SLC28A3: variants seen among roughly 807,000 people sequenced by gnomAD.
The protein encoded by SLC28A3 is solute carrier family 28 member 3.
A neutral mutation model predicts 84.2 loss-of-function variants in SLC28A3; 68 were observed. The observed-to-expected ratio is 0.81, with a 90% CI of 0.66 to 0.99. The LOEUF (loss-of-function observed/expected upper bound fraction) is 0.99. SLC28A3 is among the 50% of genes least tolerant of loss of function. SLC28A3 has a pLI of 0.00. For synonymous variants in SLC28A3, 267 were observed against 303.6 expected (o/e 0.88, Z 1.25); for missense variants, 712 against 841.5 (o/e 0.85, Z 1.90).
At chr9:84,313,901 A>C (rs1273368569) in intron 1 of SLC28A3, among the ~76,000 whole-genome samples, 6 of 140,904 alleles carry the variant, frequency 4.3e-5, no homozygotes, top group African/African-American at 1.9e-4. Flanking sequence ...AAGAAAGTAA[A>C]GAAAAGAAAC....
intron 3 of SLC28A3, among the ~76,000 whole-genome samples, chr9:84,306,687 T>C (rs1825801780): frequency 6.6e-6 from 1 of 151,952 alleles, no homozygotes; most frequent in Non-Finnish European, 1.5e-5. Context: ...AGAACAGATG[T>C]CTATGAGCCA....
At chr9:84,285,160 A>G (rs1283859418) in intron 14 of SLC28A3, among the ~76,000 whole-genome samples, 185 bp downstream of exon 14, 1 of 152,236 alleles carries the variant, frequency 6.6e-6, no homozygotes, top group East Asian at 1.9e-4. Context: ...CTCTAATTCA[A>G]CATAACTGAA....
Position 84,285,921 on chromosome 9 carries a change from CA to C in SLC28A3, c.1449+21del, listed in dbSNP as rs1564146681. On this transcript the variant is annotated intron_variant, in intron 13 of 17. Transcript: ENST00000376238. ...AGATAGGCAGAAACAAAACAGAGGGCAGGGGCGTGATGTGATTATACCTCAA... is the reference window on the plus strand; with the variant it reads ...AGATAGGCAGAAACAAAACAGAGGGCGGGGCGTGATGTGATTATACCTCAA... The C allele has an allele frequency of 4.4e-6, 7 of 1,601,882 alleles. No homozygotes were observed. In the South Asian group the frequency reaches 6.7e-5, roughly 15 times the overall value.
intron 1 of SLC28A3, among the ~76,000 whole-genome samples, chr9:84,329,186 A>G (rs746242768): frequency 8.5e-5 from 13 of 152,192 alleles, no homozygotes; most frequent in Non-Finnish European, 1.6e-4. Flanking sequence ...TATTGTTAAC[A>G]TATATGTATA....
chr9:84,332,819 T>C (rs1269836248), intron 1 of SLC28A3, among the ~76,000 whole-genome samples: 4 of 152,188 alleles, frequency 2.6e-5, no homozygotes, highest in Non-Finnish European at 4.4e-5. Flanking sequence ...AATGGGACCA[T>C]ATATAATTAA....
chr9:84,327,361 G>GA (rs11404370), intron 1 of SLC28A3, among the ~76,000 whole-genome samples: 17,744 of 127,500 alleles, frequency 0.14, 1,257 homozygotes, highest in South Asian at 0.23. Context: ...TCAGAACACC[G>GA]AAAAAAAAAA....
the SLC28A3 span, among the ~76,000 whole-genome samples, chr9:84,352,077 T>C: frequency 6.6e-6 from 1 of 152,226 alleles, no homozygotes; most frequent in African/African-American, 2.4e-5. Context: ...TGTAAACATA[T>C]ACATTTAGCA....
chr9:84,333,937 A>C (rs1826878703), intron 1 of SLC28A3, among the ~76,000 whole-genome samples: 1 of 152,242 alleles, frequency 6.6e-6, no homozygotes, highest in Non-Finnish European at 1.5e-5. Flanking sequence ...TAAGTTGTGG[A>C]ATATTTACAT....
chr9:84,303,952 T>C (rs1825711187), intron 4 of SLC28A3, among the ~76,000 whole-genome samples: 1 of 152,236 alleles, frequency 6.6e-6, no homozygotes, highest in Non-Finnish European at 1.5e-5. Flanking sequence ...TCCTGTCTTA[T>C]TCTTCCCTCC....
chr9:84,343,024 A>T (rs1224309771), upstream of SLC28A3, among the ~76,000 whole-genome samples: 2 of 152,032 alleles, frequency 1.3e-5, no homozygotes, highest in Non-Finnish European at 2.9e-5. Flanking sequence ...TTAGCCAGGC[A>T]TGGTGGCACA....
chr9:84,310,547 A>G (rs993052572), intron 2 of SLC28A3: 7 of 985,332 alleles, frequency 7.1e-6, no homozygotes, highest in Non-Finnish European at 8.4e-6. Context: ...GTCAAATCTC[A>G]GCACTTGTCT....
the SLC28A3 span, among the ~76,000 whole-genome samples, chr9:84,348,743 G>A: frequency 2.6e-5 from 4 of 152,144 alleles, no homozygotes; most frequent in African/African-American, 9.7e-5. Context: ...GTTATCCCAA[G>A]AGTGGGTTCC....
rs754131148 is a variant in SLC28A3 at position 84,313,868 on chromosome 9, G to GAA, written c.61-416_61-415dup. Among the ~76,000 whole-genome samples the GAA allele has an allele frequency of 5.3e-3, 671 of 125,502 alleles. 2 individuals carry two copies. The highest frequency in any genetic ancestry group is 6.7e-3 in the Non-Finnish European group (404 of 59,942). The allele number at this position is 125,502 out of a possible 152,430, so 82.3% of individuals were successfully genotyped here. On this transcript the variant is annotated intron_variant, in intron 1 of 17. Coordinates refer to ENST00000376238, the MANE Select transcript of SLC28A3 (RefSeq NM_001199633.2). ...TGGGAGACACAGCAAGACTCTACCT[G>GAA]AAAAAAAAAAAAAAGAAAAGAAAAG...
At chr9:84,329,307 G>C (rs1826686712) in intron 1 of SLC28A3, among the ~76,000 whole-genome samples, 1 of 152,172 alleles carries the variant, frequency 6.6e-6, no homozygotes, top group South Asian at 2.1e-4. Flanking sequence ...GTAATGACTA[G>C]AACTAGAGAG....
chr9:84,297,343 T>C (rs1319336096), intron 7 of SLC28A3, 45 bp from the exon 8 acceptor site: 1 of 1,496,826 alleles, frequency 6.7e-7, no homozygotes, highest in South Asian at 1.2e-5. Flanking sequence ...ACCACATGAC[T>C]GGAAATTAGA....
intron 4 of SLC28A3, among the ~76,000 whole-genome samples, chr9:84,303,616 T>C (rs10217672): frequency 6.6e-6 from 1 of 151,950 alleles, no homozygotes; most frequent in African/African-American, 2.4e-5. Flanking sequence ...CACCGTGCCC[T>C]GCCTCTTTAG....
rs1382299473 is a variant in SLC28A3 at position 84,297,284 on chromosome 9, G to A, written c.798C>T (p.Tyr266=). 6.2e-7 allele frequency: 1 copy of A among 1,612,728 alleles called. No individual in the cohort carries two copies. Among genetic ancestry groups the A allele is most frequent in the Non-Finnish European group, 8.5e-7 (1 of 1,179,632 alleles). ...AGACAAATGAAGCACCAGCATCTGT[G>A]TACTCCAGAAAAGTCTGAGTTAAAG... is the stretch of plus-strand genomic sequence containing the variant. ...LGRQVQTFLE[Y]TDAGASFVFG... The change falls in exon 8 of 18, where the codon TAC becomes TAT. Residue 266 remains tyrosine, a synonymous_variant. Transcript: ENST00000376238.
At chr9:84,361,173 G>A in the SLC28A3 span, among the ~76,000 whole-genome samples, 1 of 151,974 alleles carries the variant, frequency 6.6e-6, no homozygotes, top group Non-Finnish European at 1.5e-5. Context: ...GTGAAACCCC[G>A]TCTCTACTAA....
chr9:84,276,789 CT>C lies in SLC28A3; in HGVS notation c.*1428del, dbSNP rs1824541883. 6.6e-6 allele frequency: 1 copy of C among 152,160 alleles called. No homozygotes were observed. Among genetic ancestry groups the C allele is most frequent in the African/African-American group, 2.4e-5 (1 of 41,440 alleles). 9.4% of individuals were successfully genotyped at this position (152,160 alleles called of 1,614,324 possible). ...AAAAACCCCAACTATTTTCACATAG[CT>C]TTTTCTTTTAAATTACTCTTGTACA... On this transcript the variant is annotated 3_prime_UTR_variant, in exon 18 of 18. Transcript: ENST00000376238.
Sources: gnomAD v4.1 joint callset for allele counts (sites outside exome capture counted in the v4.1 genomes callset) on GRCh38, gnomAD v4.1.1 for gene constraint, MANE v1.5 for transcripts, NCBI Gene and HGNC (gene_info 2026-07-23, HGNC 2026-07-21) for gene names.